FAM219A: variants seen among roughly 807,000 people sequenced by gnomAD.
FAM219A encodes protein FAM219A.
FAM219A carries 7 observed loss-of-function variants against 23.4 expected under a neutral mutation model. The observed-to-expected ratio is 0.30, with a 90% confidence interval of 0.17 to 0.56. The LOEUF is 0.56. Ranked by LOEUF, FAM219A falls within the 20% of genes least tolerant of loss-of-function variation. The probability of loss-of-function intolerance (pLI) is 0.92; values close to 1 mark genes in which losing one functional copy is unlikely to be tolerated. For synonymous variants in FAM219A, 93 were observed against 99.0 expected, an observed-to-expected ratio of 0.94 and a Z score of 0.36; for missense variants, 166 against 246.9, an observed-to-expected ratio of 0.67 and a Z score of 2.20.
chr9:34,453,221 A>G (rs1043040239), intron 1 of FAM219A, among the ~76,000 whole-genome samples: 12 of 152,138 alleles, frequency 7.9e-5, no homozygotes, highest in Admixed American at 7.2e-4. Context: ...CAGAACATAG[A>G]ATATATATAG....
chr9:34,404,160 A>C (rs1159170884), intron 2 of FAM219A, among the ~76,000 whole-genome samples: 2 of 152,236 alleles, frequency 1.3e-5, no homozygotes, highest in Non-Finnish European at 2.9e-5. Flanking sequence ...GCAAAACCAA[A>C]CTAAAGACTA....
chr9:34,446,196 C>T lies in FAM219A; in HGVS notation c.60+12008G>A, dbSNP rs557701962. 2.1e-3 allele frequency among the ~76,000 whole-genome samples: 318 copies of T among 147,930 alleles called. 5 individuals are homozygous for T. The highest frequency in any genetic ancestry group is 0.02 in the Admixed American group (293 of 14,774). ...TCAAAAAAAAAAAAAAAATGCGGGG[C>T]GGGGGGAATTAAAGATAGGGATAAG... On this transcript the variant is annotated intron_variant, in intron 1 of 5. Coordinates refer to ENST00000651358, the MANE Select transcript of FAM219A (RefSeq NM_001184940.2).
At chr9:34,429,852 T>C (rs1289560898) in intron 1 of FAM219A, among the ~76,000 whole-genome samples, 7 of 152,186 alleles carry the variant, frequency 4.6e-5, no homozygotes, top group Non-Finnish European at 8.8e-5. Flanking sequence ...CTGCTCAGTG[T>C]CTCTCCTTAA....
At chr9:34,430,317 C>T in intron 1 of FAM219A, among the ~76,000 whole-genome samples, 1 of 151,892 alleles carries the variant, frequency 6.6e-6, no homozygotes, top group Non-Finnish European at 1.5e-5. Flanking sequence ...TCTCTTGAGC[C>T]CAGGAGTTCG....
chr9:34,419,279 T>C (rs1212676771), intron 1 of FAM219A, among the ~76,000 whole-genome samples: 2 of 151,576 alleles, frequency 1.3e-5, no homozygotes, highest in East Asian at 1.9e-4. Flanking sequence ...CACAGACTTT[T>C]GGGGATGAGG....
At chr9:34,439,500 T>C (rs1823082110) in intron 1 of FAM219A, among the ~76,000 whole-genome samples, 1 of 152,140 alleles carries the variant, frequency 6.6e-6, no homozygotes, top group Non-Finnish European at 1.5e-5. Flanking sequence ...TAATTTTACA[T>C]ACTTACGTAA....
At chr9:34,401,627 G>T in intron 5 of FAM219A, 39 bp downstream of exon 5, 1 of 1,593,932 alleles carries the variant, frequency 6.3e-7, no homozygotes. Flanking sequence ...CAGTGATCCT[G>T]CCCGGTGGTG....
Position 34,405,953 on chromosome 9 carries a change from G to T in FAM219A, c.72C>A (p.Ala24=), listed in dbSNP as rs1421715992. 1.2e-6 allele frequency: 2 copies of T among 1,611,768 alleles called. No homozygotes were observed. The highest frequency in any genetic ancestry group is 1.7e-6 in the Non-Finnish European group (2 of 1,178,758). ...CACAGTCTCCGTCAGAGATGGAGGC[G>T]GCGGCTGGGTCCTGTGGGGAGAAAG... ...HSEMQPLDPA[A]ASISDGDCDA... Residue 24 remains alanine, a synonymous_variant, in exon 2 of 6, where the codon GCC becomes GCA. Coordinates refer to ENST00000651358, the MANE Select transcript of FAM219A (RefSeq NM_001184940.2).
intron 1 of FAM219A, among the ~76,000 whole-genome samples, chr9:34,456,184 C>T (rs553202869): frequency 6.6e-6 from 1 of 151,970 alleles, no homozygotes; most frequent in African/African-American, 2.4e-5. Context: ...CAGAGAGGGA[C>T]CCTGTCTCAA....
intron 1 of FAM219A, among the ~76,000 whole-genome samples, chr9:34,432,915 CTT>C (rs1564010892): frequency 1.3e-5 from 2 of 152,188 alleles, no homozygotes; most frequent in African/African-American, 4.8e-5. Flanking sequence ...CCACACTAGT[CTT>C]GAACTCCTGG....
chr9:34,453,832 T>C (rs1237782160), intron 1 of FAM219A, among the ~76,000 whole-genome samples: 2 of 152,302 alleles, frequency 1.3e-5, no homozygotes, highest in East Asian at 1.9e-4. Flanking sequence ...AGAGAAGACA[T>C]AGACTGTGCG....
intron 1 of FAM219A, among the ~76,000 whole-genome samples, chr9:34,456,408 G>A (rs964919956): frequency 2.6e-5 from 4 of 152,174 alleles, no homozygotes; most frequent in Non-Finnish European, 5.9e-5. Context: ...ACAACTGAGA[G>A]CCTGGTGGCT....
intron 1 of FAM219A, among the ~76,000 whole-genome samples, chr9:34,424,836 T>A (rs1159103321): frequency 6.6e-6 from 1 of 152,118 alleles, no homozygotes; most frequent in Non-Finnish European, 1.5e-5. Context: ...TGAAATAGGG[T>A]CTCACTCTGT....
Position 34,405,891 on chromosome 9 carries a change from T to C in FAM219A, c.134A>G (p.Lys45Arg). Residue 45 changes from lysine (K) to arginine (R), a missense_variant, in exon 2 of 6, where the codon AAA (lysine) becomes AGA (arginine). Coordinates refer to ENST00000651358, the MANE Select transcript of FAM219A (RefSeq NM_001184940.2). ...REGESVAMNY[K>R]PSPLQVKLEK... The stretch of plus-strand genomic sequence containing the variant: ...CAGCTTCACTTGGAGCGGGGATGGT[T>C]TGTAATTCATGGCTACTGACTCACC... 1 of 1,613,976 alleles carries C rather than the reference T, an allele frequency of 6.2e-7. No individual in the cohort carries two copies. Among genetic ancestry groups the C allele is most frequent in the South Asian group, 1.1e-5 (1 of 91,066 alleles).
At chr9:34,449,013 A>C in intron 1 of FAM219A, among the ~76,000 whole-genome samples, 2 of 131,236 alleles carry the variant, frequency 1.5e-5, no homozygotes. Flanking sequence ...AAAAAACCTC[A>C]GCCATGGGAT....
At position 34,422,852 on chromosome 9, in the gene FAM219A, G is replaced by A. The variant is rs976518263; in HGVS notation, c.61-16888C>T. On this transcript the variant is annotated intron_variant, in intron 1 of 5. Coordinates refer to ENST00000651358, the MANE Select transcript of FAM219A (RefSeq NM_001184940.2). ...TAAGGGCATCTATATTCTAGGCACT[G>A]TGCTGGGTTCTGGACATATAAAAAT... 2.0e-5 allele frequency among the ~76,000 whole-genome samples: 3 copies of A among 152,214 alleles called. No individual in the cohort carries two copies. The South Asian group carries it at 6.2e-4, about 32-fold the overall frequency.
chr9:34,439,317 G>A (rs573426843), intron 1 of FAM219A, among the ~76,000 whole-genome samples: 1 of 152,282 alleles, frequency 6.6e-6, no homozygotes, highest in East Asian at 1.9e-4. Context: ...TGTCAGATAC[G>A]ACATGGGGTT....
chr9:34,415,741 C>A (rs1821978170), intron 1 of FAM219A, among the ~76,000 whole-genome samples: 1 of 152,126 alleles, frequency 6.6e-6, no homozygotes, highest in African/African-American at 2.4e-5. Flanking sequence ...TGAGGCAGAG[C>A]AAATTAGTCT....
chr9:34,426,582 C>T (rs1374405343), intron 1 of FAM219A, among the ~76,000 whole-genome samples: 2 of 152,230 alleles, frequency 1.3e-5, no homozygotes, highest in African/African-American at 4.8e-5. Context: ...GGCGCCGTTT[C>T]ACTGGACGTA....
Sources: allele counts gnomAD v4.1 joint callset (sites outside exome capture counted in the v4.1 genomes callset), GRCh38; gene constraint gnomAD v4.1.1; transcripts MANE v1.5; gene names NCBI Gene and HGNC (gene_info 2026-07-23, HGNC 2026-07-21).